The following SLC6A17 variants were observed in gnomAD, a reference collection of about 807,000 sequenced individuals.
SLC6A17 encodes solute carrier family 6 member 17.
In SLC6A17, 21 loss-of-function variants were observed where a neutral mutation model predicts 64.5. The ratio of observed to expected loss-of-function variants is 0.33; its 90% CI spans 0.23 to 0.47. SLC6A17 has a LOEUF of 0.47. Among genes scored for constraint, SLC6A17 ranks in the 20% least tolerant of loss-of-function variants. The pLI, the probability that SLC6A17 is intolerant of heterozygous loss-of-function variation, is 1.00. For synonymous variants in SLC6A17, 372 were observed against 399.5 expected, an observed-to-expected ratio of 0.93 and a Z score of 0.82; for missense variants, 682 against 963.2, an observed-to-expected ratio of 0.71 and a Z score of 3.86.
intron 1 of SLC6A17, chr1:110,166,074 G>A (rs964722841): frequency 3.9e-5 from 6 of 152,218 alleles, no homozygotes; most frequent in South Asian, 2.1e-4. Context: ...TAAAACTGTC[G>A]CTGAAGGATG....
At chr1:110,189,511 C>T (rs495959) in intron 6 of SLC6A17, among the ~76,000 whole-genome samples, 34,820 of 152,140 alleles carry the variant, frequency 0.23, 4,192 homozygotes, top group East Asian at 0.39. Flanking sequence ...GCCGCTTCCT[C>T]GAAGGTCTGC....
intron 6 of SLC6A17, among the ~76,000 whole-genome samples, chr1:110,189,238 C>T (rs1224662063): frequency 2.0e-5 from 3 of 152,236 alleles, no homozygotes; most frequent in Non-Finnish European, 4.4e-5. Context: ...CTTAAAGACA[C>T]ATTCAGCTCA....
chr1:110,190,988 G>A (rs1261127007), intron 6 of SLC6A17, among the ~76,000 whole-genome samples: 1 of 152,062 alleles, frequency 6.6e-6, no homozygotes, highest in Non-Finnish European at 1.5e-5. Flanking sequence ...CTGCACCCCC[G>A]CAAAACACAA....
intron 1 of SLC6A17, among the ~76,000 whole-genome samples, chr1:110,154,137 G>T (rs997086138): frequency 6.6e-6 from 1 of 152,164 alleles, no homozygotes; most frequent in African/African-American, 2.4e-5. Context: ...GCTTATTGAG[G>T]CTTCTGTGCT....
chr1:110,183,877 G>A (rs749880109), intron 6 of SLC6A17, among the ~76,000 whole-genome samples: 5 of 152,130 alleles, frequency 3.3e-5, no homozygotes, highest in Admixed American at 6.5e-5. Flanking sequence ...GACTTGGAGG[G>A]CTAAGGAGGA....
chr1:110,157,928 C>G (rs1463551227), intron 1 of SLC6A17, among the ~76,000 whole-genome samples: 1 of 152,198 alleles, frequency 6.6e-6, no homozygotes, highest in African/African-American at 2.4e-5. Flanking sequence ...GTCTTTATGT[C>G]ACCTTATCGG....
In SLC6A17 at chr1:110,198,901, CAG is replaced by C; in HGVS notation, c.*458_*459del. Reference sequence around the variant, plus strand: ...ACTTTGGCTCACTCTGCCATGAGAACAGGACACCATCCTGCCCAGCCCAGACG... The same window carrying C: ...ACTTTGGCTCACTCTGCCATGAGAACGACACCATCCTGCCCAGCCCAGACG... On this transcript the variant is annotated 3_prime_UTR_variant, in exon 12 of 12. Transcript: ENST00000331565. The C allele has an allele frequency of 6.1e-6, 1 of 163,316 alleles. No individual in the cohort carries two copies. Among genetic ancestry groups the C allele is most frequent in the Non-Finnish European group, 1.3e-5 (1 of 75,022 alleles). 10.1% of individuals were successfully genotyped at this position (163,316 alleles called of 1,614,324 possible). A position where few individuals can be genotyped will look rare whatever the true frequency, so the allele number is the denominator to read the frequency against.
rs140443546 is a variant in SLC6A17, at chr1:110,196,996, A to G, written c.1653-441A>G. On this transcript the variant is annotated intron_variant, in intron 10 of 11. Transcript: ENST00000331565. ...TCAAGCACAAGCCTGCCTGCCTTCC[A>G]GAATTCTGCTCACCCCTTGGTGAGA... Among the ~76,000 whole-genome samples, 18 of 152,352 alleles carry G rather than the reference A, an allele frequency of 1.2e-4. No homozygotes were observed. In the East Asian group the frequency reaches 3.5e-3, roughly 29 times the overall value.
chr1:110,190,658 C>A (rs1293781162), intron 6 of SLC6A17, among the ~76,000 whole-genome samples: 1 of 152,218 alleles, frequency 6.6e-6, no homozygotes, highest in Admixed American at 6.5e-5. Context: ...GCAGCCGGGC[C>A]AGGACCCACA....
chr1:110,198,243 G>A lies in SLC6A17; in HGVS notation c.1983G>A (p.Met661Ile). The change falls in exon 12 of 12, where the codon ATG becomes ATA. Residue 661 changes from methionine (M) to isoleucine (I), a missense_variant. By Grantham distance (10) the Met-to-Ile change is conservative (BLOSUM62 1). Coordinates refer to ENST00000331565, the MANE Select transcript of SLC6A17 (RefSeq NM_001010898.4). ...LSVSYKKGRM[M>I]KDISNLEEND... ...TGTCCTACAAGAAGGGCCGCATGAT[G>A]AAGGACATCTCCAACCTGGAGGAGA... 1 of 1,614,176 alleles carries A rather than the reference G, an allele frequency of 6.2e-7. No homozygotes were observed. Among genetic ancestry groups the A allele is most frequent in the Non-Finnish European group, 8.5e-7 (1 of 1,180,032 alleles).
At chr1:110,179,773 G>A (rs35460196) in intron 6 of SLC6A17, among the ~76,000 whole-genome samples, 17,081 of 151,980 alleles carry the variant, frequency 0.11, 1,283 homozygotes, top group Non-Finnish European at 0.16. Context: ...GGTTGGTCTC[G>A]AACTCCCGAC....
chr1:110,165,100 C>T (rs541939372), intron 1 of SLC6A17, among the ~76,000 whole-genome samples: 83 of 152,282 alleles, frequency 5.5e-4, no homozygotes, highest in African/African-American at 1.9e-3. Flanking sequence ...GGGGAGATGC[C>T]TTGACAGGCA....
chr1:110,172,983 A>G (rs565440567), intron 3 of SLC6A17, among the ~76,000 whole-genome samples: 176 of 152,382 alleles, frequency 1.2e-3, no homozygotes, highest in African/African-American at 4.1e-3. Context: ...CAGTAGGGCC[A>G]GCCCAAACTT....
In SLC6A17 at chr1:110,197,495, A is replaced by G. The variant is rs1376350100; in HGVS notation, c.1711A>G (p.Met571Val). The G allele has an allele frequency of 1.2e-6, 2 of 1,613,744 alleles. No homozygotes were observed. The highest frequency in any genetic ancestry group is 1.7e-6 in the Non-Finnish European group (2 of 1,179,952). ...GFRPYRFYFY[M>V]WKFVSPLCMA... The stretch of plus-strand genomic sequence containing the variant: ...CCGCCCCTACCGCTTCTATTTCTAC[A>G]TGTGGAAGTTCGTGTCTCCACTATG... Residue 571 changes from methionine to valine, a missense_variant, in exon 11 of 12, where the codon ATG becomes GTG. Met to Val is a conservative substitution (Grantham distance 21). Transcript: ENST00000331565.
intron 11 of SLC6A17, 71 bp from the exon 12 acceptor site, chr1:110,198,005 A>T (rs149138466): frequency 5.2e-6 from 8 of 1,537,074 alleles, no homozygotes; most frequent in Non-Finnish European, 7.0e-6. Context: ...GCAGGAGAGC[A>T]GTCTTGGAGG....
rs1422482955 is a variant in SLC6A17, at chr1:110,150,829, A to C, written c.-142A>C. 6.6e-6 allele frequency: 1 copy of C among 151,972 alleles called. No individual in the cohort carries two copies. Among genetic ancestry groups the C allele is most frequent in the Non-Finnish European group, 1.5e-5 (1 of 67,976 alleles). 9.4% of individuals were successfully genotyped at this position (151,972 alleles called of 1,614,324 possible). A position where few individuals can be genotyped will look rare whatever the true frequency, so the allele number is the denominator to read the frequency against. ...GCGTCCGCGACCCGTCGGGGATCGC[A>C]GCTGCTCGGCCGGAGTGCACGGGCC... On this transcript the variant is annotated 5_prime_UTR_variant, in exon 1 of 12. Coordinates refer to ENST00000331565, the MANE Select transcript of SLC6A17 (RefSeq NM_001010898.4).
chr1:110,153,393 A>G (rs542271104), intron 1 of SLC6A17, among the ~76,000 whole-genome samples: 2 of 152,266 alleles, frequency 1.3e-5, no homozygotes, highest in South Asian at 2.1e-4. Context: ...TTCTCCGTCT[A>G]TAAAATGTCC....
At chr1:110,194,942 C>T in intron 9 of SLC6A17, 171 bp downstream of exon 9, 1 of 808,316 alleles carries the variant, frequency 1.2e-6, no homozygotes, top group Non-Finnish European at 2.0e-6. Context: ...ACTCACAAGC[C>T]AGGAAGAGAA....
At chr1:110,171,291 G>T (rs1312259673) in intron 2 of SLC6A17, among the ~76,000 whole-genome samples, 1 of 152,152 alleles carries the variant, frequency 6.6e-6, no homozygotes, top group African/African-American at 2.4e-5. Flanking sequence ...TCTCAGCAGG[G>T]TGCACTCATC....
Sources: allele counts gnomAD v4.1 joint callset (sites outside exome capture counted in the v4.1 genomes callset), GRCh38; gene constraint gnomAD v4.1.1; transcripts MANE v1.5; gene names NCBI Gene and HGNC (gene_info 2026-07-23, HGNC 2026-07-21).